The following PTPRD variants were observed in gnomAD, a reference collection of about 807,000 sequenced individuals.
The protein encoded by PTPRD is protein tyrosine phosphatase receptor type D.
PTPRD carries 34 observed loss-of-function variants against 214.5 expected under a neutral mutation model. The ratio of observed to expected loss-of-function variants is 0.16; its 90% confidence interval spans 0.12 to 0.21. The LOEUF (loss-of-function observed/expected upper bound fraction) is 0.21, where lower values mean the gene tolerates loss of function less well. Among genes scored for constraint, PTPRD ranks in the 10% least tolerant of loss-of-function variants. The pLI is 1.00. For missense variants in PTPRD, 2,545 were observed against 2,398.7 expected (o/e 1.06, Z -1.27); for synonymous variants, 1,128 against 845.7 (o/e 1.33, Z -5.79).
At chr9:8,713,197 C>T (rs1323850409) in intron 12 of PTPRD, 3 of 575,478 alleles carry the variant, frequency 5.2e-6, no homozygotes, top group Non-Finnish European at 6.2e-6. Flanking sequence ...CAGGGTCAAA[C>T]ATTTGATCTG....
intron 4 of PTPRD, among the ~76,000 whole-genome samples, chr9:9,965,711 TG>T (rs2094640399): frequency 6.6e-6 from 1 of 152,154 alleles, no homozygotes; most frequent in Non-Finnish European, 1.5e-5. Context: ...TGGCTGTAAG[TG>T]TTGGGTAAGT....
chr9:8,702,032 C>T (rs1201144822), intron 12 of PTPRD, among the ~76,000 whole-genome samples: 1 of 152,126 alleles, frequency 6.6e-6, no homozygotes, highest in Non-Finnish European at 1.5e-5. Context: ...AAGGCCTTGG[C>T]AGACCACTTT....
At chr9:10,576,714 T>G (rs929928955) in intron 2 of PTPRD, among the ~76,000 whole-genome samples, 4 of 152,166 alleles carry the variant, frequency 2.6e-5, no homozygotes, top group Non-Finnish European at 4.4e-5. Context: ...AACAGAGGAT[T>G]CAATATGCCA....
chr9:10,429,099 T>C (rs1342399217), intron 2 of PTPRD, among the ~76,000 whole-genome samples: 1 of 152,052 alleles, frequency 6.6e-6, no homozygotes, highest in Non-Finnish European at 1.5e-5. Flanking sequence ...TTTAAATTTA[T>C]CTAGAACTAG....
At position 8,317,878 on chromosome 9, in the gene PTPRD, G is replaced by A. The variant is rs151311972; in HGVS notation, c.5735C>T (p.Thr1912Met). ...TCCAGAATGGGTCAGGGGTTTCTACGTTGCATAGTGGTCAAAGCTGCCCAG... is the reference window on the plus strand; with the variant it reads ...TCCAGAATGGGTCAGGGGTTTCTACATTGCATAGTGGTCAAAGCTGCCCAG... ...EYLGSFDHYA[T>M] The change falls in exon 46 of 46, where the codon ACG becomes ATG. Residue 1912 changes from threonine (T) to methionine (M), a missense_variant. Coordinates refer to ENST00000381196, the MANE Select transcript of PTPRD (RefSeq NM_002839.4). 33 of 1,611,948 alleles carry A rather than the reference G, an allele frequency of 2.0e-5. No individual in the cohort carries two copies. Among genetic ancestry groups the A allele is most frequent in the South Asian group, 5.5e-5 (5 of 91,046 alleles).
At chr9:9,321,970 T>A (rs529357549) in intron 9 of PTPRD, among the ~76,000 whole-genome samples, 3 of 152,310 alleles carry the variant, frequency 2.0e-5, no homozygotes, top group South Asian at 2.1e-4. Flanking sequence ...CTAATGTTTA[T>A]TGGCAAGGCA....
At position 10,213,739 on chromosome 9, in the gene PTPRD, T is replaced by C. The variant is rs183228688; in HGVS notation, c.-545+127224A>G. ...GTAAGATCTGCCTTGGAATAATGAG[T>C]CCTGGACAAAACAAATAACACTTTT... On this transcript the variant is annotated intron_variant, in intron 3 of 45. Transcript: ENST00000381196. 6.6e-5 allele frequency among the ~76,000 whole-genome samples: 10 copies of C among 152,206 alleles called. No individual in the cohort carries two copies. In the East Asian group the frequency reaches 1.9e-3, roughly 29 times the overall value.
intron 11 of PTPRD, among the ~76,000 whole-genome samples, chr9:8,929,765 A>ATGTGTATATATGTGTATATATATG (rs1567061295): frequency 2.1e-5 from 1 of 48,164 alleles, no homozygotes; most frequent in South Asian, 7.9e-4. Context: ...ATGTATATAT[A>ATGTGTATATATGTGTATATATATG]TGTGTATATA....
In PTPRD at chr9:8,602,078, A is replaced by G. The variant is rs115589116; in HGVS notation, c.352+31239T>C. On this transcript the variant is annotated intron_variant, in intron 14 of 45. Coordinates refer to ENST00000381196, the MANE Select transcript of PTPRD (RefSeq NM_002839.4). ...TTAGCAATGTGCTACCAAACAGAAG[A>G]TGAAAAGGAGGGAAAAATGGAACAT... Among the ~76,000 whole-genome samples the G allele has an allele frequency of 3.3e-3, 506 of 152,188 alleles. 3 individuals are homozygous for G. Among genetic ancestry groups the G allele is most frequent in the African/African-American group, 0.012 (490 of 41,534 alleles).
At chr9:8,668,277 A>C (rs2097208761) in intron 12 of PTPRD, among the ~76,000 whole-genome samples, 1 of 152,190 alleles carries the variant, frequency 6.6e-6, no homozygotes, top group African/African-American at 2.4e-5. Context: ...TTATCATCAT[A>C]ATTATTCTTC....
chr9:9,136,888 T>A (rs2099851762), intron 10 of PTPRD, among the ~76,000 whole-genome samples: 1 of 152,172 alleles, frequency 6.6e-6, no homozygotes, highest in Non-Finnish European at 1.5e-5. Flanking sequence ...GTGAAATGCC[T>A]ATTTGGGATT....
chr9:9,830,499 G>A (rs1238283942), intron 5 of PTPRD, among the ~76,000 whole-genome samples: 2 of 151,836 alleles, frequency 1.3e-5, no homozygotes, highest in East Asian at 3.9e-4. Flanking sequence ...ATGACTCCTA[G>A]CATTGTAACA....
chr9:9,672,941 C>A (rs79157045), intron 7 of PTPRD, among the ~76,000 whole-genome samples: 1 of 151,944 alleles, frequency 6.6e-6, no homozygotes, highest in Non-Finnish European at 1.5e-5. Flanking sequence ...TTGACTCTAG[C>A]GTAAATCTGT....
At chr9:9,971,557 T>G (rs117037821) in intron 4 of PTPRD, among the ~76,000 whole-genome samples, 2,632 of 152,314 alleles carry the variant, frequency 0.017, 35 homozygotes, top group Non-Finnish European at 0.028. Context: ...ACTAATGAGT[T>G]AGATTATGGC....
chr9:8,802,507 A>C (rs965096407), intron 11 of PTPRD, among the ~76,000 whole-genome samples: 3 of 152,218 alleles, frequency 2.0e-5, no homozygotes, highest in African/African-American at 7.2e-5. Context: ...ATGCACAAAT[A>C]AACTGAGTAA....
chr9:8,323,384 TATAG>T (rs1243221069), intron 44 of PTPRD, among the ~76,000 whole-genome samples: 1 of 152,208 alleles, frequency 6.6e-6, no homozygotes, highest in Non-Finnish European at 1.5e-5. Flanking sequence ...CTATACATTC[TATAG>T]ATAGATAGTG....
intron 10 of PTPRD, among the ~76,000 whole-genome samples, chr9:9,035,612 G>C (rs2099619239): frequency 6.6e-6 from 1 of 151,494 alleles, no homozygotes; most frequent in South Asian, 2.1e-4. Flanking sequence ...AACATAGATG[G>C]TCACCTCAAT....
At chr9:9,656,641 A>G (rs1363941031) in intron 7 of PTPRD, among the ~76,000 whole-genome samples, 2 of 152,190 alleles carry the variant, frequency 1.3e-5, no homozygotes, top group East Asian at 1.9e-4. Context: ...AATAGGTAGA[A>G]CATGGAGGAT....
At chr9:9,403,854 CAAAT>C (rs1409029249) in intron 8 of PTPRD, among the ~76,000 whole-genome samples, 2 of 151,716 alleles carry the variant, frequency 1.3e-5, no homozygotes, top group East Asian at 3.9e-4. Flanking sequence ...CACAGCTAAA[CAAAT>C]AAAGGAATAA....
Sources: gnomAD v4.1 joint callset for allele counts (sites outside exome capture counted in the v4.1 genomes callset) on GRCh38, gnomAD v4.1.1 for gene constraint, MANE v1.5 for transcripts, NCBI Gene and HGNC (gene_info 2026-07-23, HGNC 2026-07-21) for gene names.